The following SETD9 variants were observed in gnomAD, a reference collection of about 807,000 sequenced individuals.
The protein encoded by SETD9 is SET domain containing 9.
In SETD9, 37 loss-of-function variants were observed where a neutral mutation model predicts 36.4. That is an observed-to-expected ratio of 1.02 (90% CI 0.78 to 1.34). The LOEUF is 1.34. SETD9 is among the 40% of genes most tolerant of loss of function. SETD9 has a pLI of 0.00. For synonymous variants in SETD9, 128 were observed against 132.9 expected, an observed-to-expected ratio of 0.96 and a Z score of 0.26; for missense variants, 323 against 353.2, an observed-to-expected ratio of 0.91 and a Z score of 0.69.
chr5:56,914,472 T>C (rs1262219236), intron 4 of SETD9, among the ~76,000 whole-genome samples: 1 of 152,134 alleles, frequency 6.6e-6, no homozygotes, highest in African/African-American at 2.4e-5. Flanking sequence ...GCCTGACTCT[T>C]TTATTAGTAT....
At chr5:56,921,662 T>C (rs1749679746), downstream of SETD9, 1 of 152,644 alleles carries the variant, frequency 6.6e-6, no homozygotes, top group Non-Finnish European at 1.5e-5. Flanking sequence ...ACATCCTATC[T>C]ACTCATCAGC....
intron 5 of SETD9, chr5:56,923,814 C>G (rs750946349): frequency 1.3e-5 from 21 of 1,614,066 alleles, no homozygotes; most frequent in East Asian, 2.2e-5. Flanking sequence ...GTTTCATCTA[C>G]TAAACGATCC....
rs1490401965 is a variant in SETD9, at chr5:56,913,883, T to G, written c.600T>G (p.Asn200Lys). The G allele has an allele frequency of 6.2e-7, 1 of 1,608,068 alleles. No individual in the cohort carries two copies. The change falls in exon 4 of 6, where the codon AAT (asparagine) becomes AAG (lysine). Residue 200 changes from asparagine to lysine, a missense_variant. Transcript: ENST00000285947. ...CTTTCACTTGTTTCAGATCTTGCAA[T>G]GGGAGGGATCGACTCGGCCCTTTAA... is the stretch of plus-strand genomic sequence containing the variant. ...GISKVVYRSC[N>K]GRDRLGPLKM... is the part of the protein sequence containing the mutation.
chr5:56,923,798 G>C (rs1579830441), intron 5 of SETD9: 1 of 1,614,036 alleles, frequency 6.2e-7, no homozygotes, highest in Admixed American at 1.7e-5. Flanking sequence ...CCCACCCAAA[G>C]CTTCTGTTTC....
At position 56,909,685 on chromosome 5, in the gene SETD9, C is replaced by T. The variant is rs376454017; in HGVS notation, c.40C>T (p.Arg14Cys). 4 of 1,609,990 alleles carry T rather than the reference C, an allele frequency of 2.5e-6. No homozygotes were observed. The African/African-American group carries it at 4.0e-5, about 16-fold the overall frequency. The change falls in exon 1 of 6, where the codon CGC (arginine) becomes TGC (cysteine). Residue 14 changes from arginine (R) to cysteine (C), a missense_variant. Transcript: ENST00000285947. ...RLLRGLWQRWRRYKYRFVPWI... is the reference protein window; with the variant it reads ...RLLRGLWQRWCRYKYRFVPWI... Reference sequence around the variant, plus strand: ...GCTGCGGGGCCTGTGGCAGCGATGGCGCCGTTACAAGTACCGCTTCGTTCC... The same window carrying T: ...GCTGCGGGGCCTGTGGCAGCGATGGTGCCGTTACAAGTACCGCTTCGTTCC...
Position 56,917,308 on chromosome 5 carries a change from A to G in SETD9, c.*406A>G, listed in dbSNP as rs572321771. On this transcript the variant is annotated 3_prime_UTR_variant, in exon 6 of 6. Coordinates refer to ENST00000285947, the MANE Select transcript of SETD9 (RefSeq NM_153706.4). ...ACTTCTGTAAAAACTTTATTTTTACAGAATTGAGTAAAAAATACCTATTGT... is the reference window on the plus strand; with the variant it reads ...ACTTCTGTAAAAACTTTATTTTTACGGAATTGAGTAAAAAATACCTATTGT... The G allele has an allele frequency of 8.6e-5, 85 of 989,442 alleles. No individual in the cohort carries two copies. The African/African-American group carries it at 1.3e-3, about 15-fold the overall frequency. The allele number at this position is 989,442 out of a possible 1,614,324, so 61.3% of individuals were successfully genotyped here. A position where few individuals can be genotyped will look rare whatever the true frequency, so the allele number is the denominator to read the frequency against.
intron 5 of SETD9, chr5:56,923,517 G>T (rs748965721): frequency 6.2e-7 from 1 of 1,614,188 alleles, no homozygotes; most frequent in East Asian, 2.2e-5. Flanking sequence ...TTGCCCAGTG[G>T]AGGAAAGCTA....
rs751197276 is a variant in SETD9, at chr5:56,923,846, C to G, written c.813-1487C>G. ...ATCCATATAGTCCCTGAAAAACACA[C>G]CCCAGTAATTTTATGACTATATATT... On this transcript the variant is annotated intron_variant, in intron 5 of 5. Transcript: ENST00000628593. The G allele has an allele frequency of 2.5e-6, 4 of 1,614,068 alleles. No homozygotes were observed. In the South Asian group the frequency reaches 4.4e-5, roughly 18 times the overall value.
chr5:56,925,643 A>G, downstream of SETD9: 1 of 178,994 alleles, frequency 5.6e-6, no homozygotes, highest in South Asian at 1.1e-4. Flanking sequence ...GTTCATGGAT[A>G]AGAAGACACT....
At chr5:56,913,292 G>A (rs980116628) in intron 3 of SETD9, among the ~76,000 whole-genome samples, 158 bp downstream of exon 3, 1 of 152,042 alleles carries the variant, frequency 6.6e-6, no homozygotes, top group African/African-American at 2.4e-5. Context: ...GGCCTCAAGC[G>A]ACCCTCCCAT....
chr5:56,910,511 G>A, intron 1 of SETD9: 1 of 885,444 alleles, frequency 1.1e-6, no homozygotes, highest in Non-Finnish European at 1.5e-6. Flanking sequence ...AAACAAAGCG[G>A]TTTCCGGAAG....
At chr5:56,919,282 C>T (rs570652645), downstream of SETD9, among the ~76,000 whole-genome samples, 7 of 152,126 alleles carry the variant, frequency 4.6e-5, no homozygotes, top group African/African-American at 7.2e-5. Context: ...TGCGCCACCT[C>T]GCTCGGCTGA....
chr5:56,910,058 C>G, intron 1 of SETD9: 1 of 1,289,324 alleles, frequency 7.8e-7, no homozygotes. Context: ...GCTGCCGGGC[C>G]CGCGAGGCCG....
intron 5 of SETD9, among the ~76,000 whole-genome samples, chr5:56,916,402 AAC>A (rs1192125041): frequency 1.3e-5 from 2 of 152,212 alleles, no homozygotes; most frequent in Non-Finnish European, 2.9e-5. Context: ...AAAAAAAACA[AAC>A]AATATTTTAT....
chr5:56,917,755 G>A (rs1239174820), downstream of SETD9, among the ~76,000 whole-genome samples: 1 of 152,222 alleles, frequency 6.6e-6, no homozygotes, highest in African/African-American at 2.4e-5. Flanking sequence ...TGAGTCCAGA[G>A]GTGTAATATA....
Position 56,917,012 on chromosome 5 carries a change from T to C in SETD9, c.*110T>C, listed in dbSNP as rs1749466149. The C allele has an allele frequency of 7.3e-7, 1 of 1,377,784 alleles. No homozygotes were observed. The highest frequency in any genetic ancestry group is 9.3e-7 in the Non-Finnish European group (1 of 1,069,972). The allele number at this position is 1,377,784 out of a possible 1,614,324, so 85.3% of individuals were successfully genotyped here. ...GTAAAACAAATATTTTGAGACTTAA[T>C]TGGAATAGGAATTTCTTATGTTTTT... On this transcript the variant is annotated 3_prime_UTR_variant, in exon 6 of 6. Coordinates refer to ENST00000285947, the MANE Select transcript of SETD9 (RefSeq NM_153706.4).
At chr5:56,922,902 A>G (rs1749741075) in intron 5 of SETD9, 1 of 530,062 alleles carries the variant, frequency 1.9e-6, no homozygotes, top group East Asian at 3.3e-5. Context: ...GCTGCACCAC[A>G]GAGTTCAATC....
At chr5:56,921,973 C>G (rs905475524), downstream of SETD9, 8 of 152,608 alleles carry the variant, frequency 5.2e-5, no homozygotes, top group African/African-American at 1.9e-4. Flanking sequence ...TACATCTGAA[C>G]ATCTATCAAT....
intron 3 of SETD9, 84 bp from the exon 4 acceptor site, chr5:56,913,790 G>C: frequency 1.5e-6 from 1 of 652,838 alleles, no homozygotes; most frequent in Non-Finnish European, 2.5e-6. Context: ...AAGAAAAAAT[G>C]CACTGGTGTA....
Sources: allele counts gnomAD v4.1 joint callset (sites outside exome capture counted in the v4.1 genomes callset), GRCh38; gene constraint gnomAD v4.1.1; transcripts MANE v1.5; gene names NCBI Gene and HGNC (gene_info 2026-07-23, HGNC 2026-07-21).